FRMD4B: variants seen among roughly 807,000 people sequenced by gnomAD.
FRMD4B encodes FERM domain-containing protein 4B.
Under a neutral mutation model 141.5 loss-of-function variants are expected in FRMD4B, and 74 were observed. That is an observed-to-expected ratio of 0.52 (90% CI 0.43 to 0.63). The LOEUF (loss-of-function observed/expected upper bound fraction) is 0.63, where lower values mean the gene tolerates loss of function less well. FRMD4B is among the 30% of genes least tolerant of loss of function. The probability of loss-of-function intolerance (pLI) is 0.00; values close to 1 mark genes in which losing one functional copy is unlikely to be tolerated. For missense variants in FRMD4B, 1,366 were observed against 1,253.4 expected, an observed-to-expected ratio of 1.09 and a Z score of -1.36; for synonymous variants, 506 against 467.9, an observed-to-expected ratio of 1.08 and a Z score of -1.05.
At chr3:69,484,656 C>T (rs1706184418) in intron 1 of FRMD4B, among the ~76,000 whole-genome samples, 1 of 152,024 alleles carries the variant, frequency 6.6e-6, no homozygotes, top group South Asian at 2.1e-4. Flanking sequence ...TGACTCTCTG[C>T]AGGTCCCTGA....
chr3:69,322,069 G>A (rs920848720), intron 1 of FRMD4B, among the ~76,000 whole-genome samples: 14 of 151,936 alleles, frequency 9.2e-5, no homozygotes, highest in Non-Finnish European at 1.6e-4. Flanking sequence ...CAACTCCCAA[G>A]CCCTGGCCCA....
Position 69,329,516 on chromosome 3 carries a change from ATTTTTTTTTTTTT to A in FRMD4B, c.163-16012_163-16000del, listed in dbSNP as rs10554375. On this transcript the variant is annotated intron_variant, in intron 1 of 22. Coordinates refer to ENST00000398540, the MANE Select transcript of FRMD4B (RefSeq NM_015123.3). ...AGGCATGCACCACCATGCCCAGCTA[ATTTTTTTTTTTTT>A]TTTTTTTTTTTTTTTTGAGATGGAG... 2.9e-4 allele frequency among the ~76,000 whole-genome samples: 16 copies of A among 55,576 alleles called. No homozygotes were observed. The South Asian group carries it at 2.9e-3, about 10-fold the overall frequency. The allele number at this position is 55,576 out of a possible 152,430, so 36.5% of individuals were successfully genotyped here.
At chr3:69,466,828 T>C (rs1412188236) in intron 1 of FRMD4B, among the ~76,000 whole-genome samples, 1 of 152,164 alleles carries the variant, frequency 6.6e-6, no homozygotes, top group Non-Finnish European at 1.5e-5. Flanking sequence ...CCTGAGTAGC[T>C]GGGACTATAG....
At chr3:69,391,518 G>A (rs1411589929) in intron 2 of FRMD4B, among the ~76,000 whole-genome samples, 1 of 151,416 alleles carries the variant, frequency 6.6e-6, no homozygotes, top group Non-Finnish European at 1.5e-5. Flanking sequence ...CTGTCCTTGC[G>A]ATAGTTTGCT....
intron 4 of FRMD4B, among the ~76,000 whole-genome samples, chr3:69,300,619 G>C (rs1479899373): frequency 1.3e-5 from 2 of 152,244 alleles, no homozygotes; most frequent in African/African-American, 2.4e-5. Context: ...GATGGTACTT[G>C]TTAGATGTTC....
chr3:69,255,574 A>G (rs1422850502), intron 5 of FRMD4B, among the ~76,000 whole-genome samples: 1 of 152,146 alleles, frequency 6.6e-6, no homozygotes, highest in African/African-American at 2.4e-5. Context: ...AAAGAAAAAT[A>G]TAGACATATA....
At chr3:69,323,650 AT>A (rs1174789751) in intron 1 of FRMD4B, among the ~76,000 whole-genome samples, 13 of 114,900 alleles carry the variant, frequency 1.1e-4, no homozygotes, top group African/African-American at 4.1e-4. Context: ...ATATATATAT[AT>A]ATGCGTTTTA....
At chr3:69,410,086 T>C (rs1303055671) in intron 2 of FRMD4B, among the ~76,000 whole-genome samples, 1 of 152,140 alleles carries the variant, frequency 6.6e-6, no homozygotes, top group Non-Finnish European at 1.5e-5. Context: ...ACAAACACAA[T>C]TTCCTAGTGC....
intron 1 of FRMD4B, among the ~76,000 whole-genome samples, chr3:69,476,524 C>T (rs1706002334): frequency 6.6e-6 from 1 of 152,044 alleles, no homozygotes; most frequent in South Asian, 2.1e-4. Context: ...AGATATGTGG[C>T]ATTATTTCTG....
At chr3:69,268,374 T>C (rs1417586884) in intron 5 of FRMD4B, among the ~76,000 whole-genome samples, 3 of 151,930 alleles carry the variant, frequency 2.0e-5, no homozygotes, top group Non-Finnish European at 4.4e-5. Flanking sequence ...CTGATACATA[T>C]ACAGGGAGAC....
chr3:69,251,135 T>C (rs2093461602), intron 5 of FRMD4B, among the ~76,000 whole-genome samples: 1 of 152,222 alleles, frequency 6.6e-6, no homozygotes, highest in Admixed American at 6.5e-5. Context: ...CGTTAGCTTG[T>C]AAGTTTTAAC....
intron 5 of FRMD4B, among the ~76,000 whole-genome samples, chr3:69,253,183 A>ATTTTTTTTTTTTT (rs5849890): frequency 4.6e-5 from 6 of 129,894 alleles, no homozygotes; most frequent in African/African-American, 1.5e-4. Flanking sequence ...TATGATTCCT[A>ATTTTTTTTTTTTT]TTTTTTTTTT....
intron 1 of FRMD4B, among the ~76,000 whole-genome samples, chr3:69,500,421 A>G (rs536329184): frequency 1.3e-5 from 2 of 152,296 alleles, no homozygotes; most frequent in South Asian, 4.1e-4. Context: ...GGTCATCCTT[A>G]TTCCTTGACA....
chr3:69,509,792 C>A (rs1021503126), intron 1 of FRMD4B, among the ~76,000 whole-genome samples: 7 of 151,968 alleles, frequency 4.6e-5, no homozygotes, highest in Non-Finnish European at 1.0e-4. Context: ...ATTTTTCCAA[C>A]AGCATGTACT....
At chr3:69,325,083 A>AGG (rs200165782) in intron 1 of FRMD4B, among the ~76,000 whole-genome samples, 1 of 143,312 alleles carries the variant, frequency 7.0e-6, no homozygotes, top group African/African-American at 2.7e-5. Context: ...TCTAAAAAAA[A>AGG]AAAAAGAAAG....
intron 1 of FRMD4B, among the ~76,000 whole-genome samples, chr3:69,533,506 C>T (rs1701033148): frequency 6.6e-6 from 1 of 152,198 alleles, no homozygotes; most frequent in African/African-American, 2.4e-5. Context: ...TGCCTGGCAC[C>T]TGGCACTTAT....
chr3:69,464,575 G>A (rs1705753388), intron 1 of FRMD4B, among the ~76,000 whole-genome samples: 1 of 152,124 alleles, frequency 6.6e-6, no homozygotes, highest in Admixed American at 6.5e-5. Context: ...TAAATGTGGA[G>A]ACCCCTTTCT....
chr3:69,281,695 G>C (rs149992644), intron 5 of FRMD4B, among the ~76,000 whole-genome samples: 1 of 151,700 alleles, frequency 6.6e-6, no homozygotes, highest in Non-Finnish European at 1.5e-5. Context: ...GTGGTGATGC[G>C]TGCCTGTAAT....
Position 69,195,010 on chromosome 3 carries a change from C to A in FRMD4B, c.1488+12G>T, listed in dbSNP as rs762420556. 2.5e-6 allele frequency: 4 copies of A among 1,611,040 alleles called. No homozygotes were observed. Among genetic ancestry groups the A allele is most frequent in the Non-Finnish European group, 3.4e-6 (4 of 1,178,000 alleles). On this transcript the variant is annotated intron_variant, in intron 16 of 22. Transcript: ENST00000398540. Reference sequence around the variant, plus strand: ...TATGATTAATTGAAAGGCTCAGAGGCGTTGTTCATACTTCTTCACTCGGCA... The same window carrying A: ...TATGATTAATTGAAAGGCTCAGAGGAGTTGTTCATACTTCTTCACTCGGCA...
Sources: allele counts gnomAD v4.1 joint callset (sites outside exome capture counted in the v4.1 genomes callset), GRCh38; gene constraint gnomAD v4.1.1; transcripts MANE v1.5; gene names NCBI Gene and HGNC (gene_info 2026-07-23, HGNC 2026-07-21).